Variants in TTN observed in about 807,000 individuals in gnomAD.
TTN encodes connectin.
TTN carries 1,525 observed loss-of-function variants against 3,223.0 expected under a neutral mutation model. That is an observed-to-expected ratio of 0.47 (90% confidence interval 0.45 to 0.49). The LOEUF is 0.49. TTN is among the 20% of genes least tolerant of loss of function. TTN has a pLI of 0.00. For synonymous variants in TTN, 14,094 were observed against 15,161.0 expected (o/e 0.93, Z 5.17); for missense variants, 40,786 against 43,424.0 (o/e 0.94, Z 5.40).
intron 29 of TTN, 74 bp from the exon 30 acceptor site, chr2:178,774,547 T>C: frequency 7.0e-7 from 1 of 1,423,636 alleles, no homozygotes; most frequent in Non-Finnish European, 9.7e-7. Flanking sequence ...AGAGATGATG[T>C]CTTGTATGTC....
Position 178,768,898 on chromosome 2 carries a change from C to T in TTN, c.8938G>A (p.Ala2980Thr), listed in dbSNP as rs72647885. The change falls in exon 38 of 363, where the codon GCT (alanine) becomes ACT (threonine). Residue 2980 changes from alanine (A) to threonine (T), a missense_variant. Transcript: ENST00000589042. ...MITSMLKDIN[A>T]EEKDTITFEV... ...AAAGTAATAGTGTCTTTTTCTTCAG[C>T]GTTGATGTCTTTCAGCATGGAAGTA... 2.8e-4 allele frequency: 449 copies of T among 1,613,792 alleles called. 2 individuals carry two copies. In the African/African-American group the frequency reaches 4.0e-3, roughly 14 times the overall value.
In TTN at chr2:178,577,995, G is replaced by A. The variant is rs2046826146; in HGVS notation, c.68520C>T (p.Asp22840=). 1.2e-6 allele frequency: 2 copies of A among 1,612,490 alleles called. No individual in the cohort carries two copies. The highest frequency in any genetic ancestry group is 4.5e-5 in the East Asian group (2 of 44,686). ...CTTCATATAATGACTTACCAATTGG[G>A]TCCAGTGCCACAACAGGCTCTGATG... ...SLPSEPVVAL[D]PIDPPGKPEV... is the part of the protein sequence containing the mutation. Residue 22840 remains aspartate (D), a synonymous_variant, in exon 322 of 363, where the codon GAC becomes GAT. Coordinates refer to ENST00000589042, the MANE Select transcript of TTN (RefSeq NM_001267550.2).
chr2:178,601,097 G>A lies in TTN; in HGVS notation c.55807C>T (p.Pro18603Ser). The change falls in exon 288 of 363, where the codon CCG becomes TCG. Residue 18603 changes from proline (P) to serine (S), a missense_variant. Coordinates refer to ENST00000589042, the MANE Select transcript of TTN (RefSeq NM_001267550.2). ...KNTVHLSWKP[P>S]KNDGGSPVTH... ...ACAGGGGAGCCCCCATCATTCTTCG[G>A]GGGTTTCCATGACAGATGCACTGTG... 6.2e-7 allele frequency: 1 copy of A among 1,603,026 alleles called. No individual in the cohort carries two copies. Among genetic ancestry groups the A allele is most frequent in the Non-Finnish European group, 8.5e-7 (1 of 1,174,264 alleles).
intron 52 of TTN, 102 bp downstream of exon 52, chr2:178,734,226 T>C (rs2081043496): frequency 1.4e-6 from 2 of 1,379,516 alleles, no homozygotes; most frequent in Admixed American, 2.6e-5. Context: ...AAAACAAATT[T>C]AAAGGATAGG....
In TTN at chr2:178,607,453, T is replaced by C; in HGVS notation, c.53235A>G (p.Thr17745=). 6.2e-7 allele frequency: 1 copy of C among 1,613,220 alleles called. No individual in the cohort carries two copies. The highest frequency in any genetic ancestry group is 8.5e-7 in the Non-Finnish European group (1 of 1,179,400). ...ATTTGGAACCACAGCTATTTGTAGC[T>C]GTAATCACATATCTGCCATGGTCTT... ...LRKDHGRYVI[T]ATNSCGSKFA... The change falls in exon 277 of 363, where the codon ACA becomes ACG. Residue 17745 remains threonine, a synonymous_variant. Transcript: ENST00000589042.
chr2:178,595,649 T>C lies in TTN; in HGVS notation c.57705A>G (p.Thr19235=). Reference sequence around the variant, plus strand: ...TAGCATTTTGTCGGGTAACTGTATATGTCACTGGGGTCCATGCTCTGCGGT... The same window carrying C: ...TAGCATTTTGTCGGGTAACTGTATACGTCACTGGGGTCCATGCTCTGCGGT... ...ESDRRAWTPV[T]YTVTRQNATV... Residue 19235 remains threonine, a synonymous_variant, in exon 295 of 363, where the codon ACA becomes ACG. Transcript: ENST00000589042. 6 of 1,607,680 alleles carry C rather than the reference T, an allele frequency of 3.7e-6. No individual in the cohort carries two copies. Among genetic ancestry groups the C allele is most frequent in the Non-Finnish European group, 5.1e-6 (6 of 1,176,964 alleles).
chr2:178,608,988 C>T (rs893710689), intron 273 of TTN, 80 bp from the exon 274 acceptor site: 4 of 1,507,586 alleles, frequency 2.7e-6, no homozygotes, highest in Non-Finnish European at 3.6e-6. Flanking sequence ...GAGCATGCTC[C>T]TCTGACATGA....
Position 178,546,298 on chromosome 2 carries a change from C to T in TTN, c.95033G>A (p.Cys31678Tyr). ...GKRATAVIKF[C>Y]DRSDSGKYTL... ...GTATTTTCCACTGTCACTTCTGTCACAGAACTTGATCACAGCAGTTGCTCG... is the reference window on the plus strand; with the variant it reads ...GTATTTTCCACTGTCACTTCTGTCATAGAACTTGATCACAGCAGTTGCTCG... Residue 31678 changes from cysteine (C) to tyrosine (Y), a missense_variant, in exon 342 of 363, where the codon TGT becomes TAT. Cys to Tyr is a radical substitution (Grantham distance 194). Coordinates refer to ENST00000589042, the MANE Select transcript of TTN (RefSeq NM_001267550.2). The T allele has an allele frequency of 6.2e-7, 1 of 1,613,860 alleles. No homozygotes were observed. The highest frequency in any genetic ancestry group is 8.5e-7 in the Non-Finnish European group (1 of 1,179,770).
chr2:178,652,882 A>G lies in TTN; in HGVS notation c.38925T>C (p.Ala12975=). 6.2e-7 allele frequency: 1 copy of G among 1,611,486 alleles called. No homozygotes were observed. Among genetic ancestry groups the G allele is most frequent in the Non-Finnish European group, 8.5e-7 (1 of 1,179,086 alleles). ...EVVPEKKMPL[A]PPKKPEVPPV... ...GAGGGACTTCAGGCTTTTTAGGAGGAGCCAAGGGCATTTTCTTTTCAGGAA... is the reference window on the plus strand; with the variant it reads ...GAGGGACTTCAGGCTTTTTAGGAGGGGCCAAGGGCATTTTCTTTTCAGGAA... The change falls in exon 200 of 363, where the codon GCT becomes GCC. Residue 12975 remains alanine (A), a synonymous_variant. Transcript: ENST00000589042.
chr2:178,795,320 A>G, intron 6 of TTN, 68 bp from the exon 7 acceptor site: 1 of 1,495,520 alleles, frequency 6.7e-7, no homozygotes. Context: ...GAATCATGAG[A>G]TGAAAAGCTG....
intron 140 of TTN, 31 bp downstream of exon 140, chr2:178,679,863 T>C: frequency 6.8e-6 from 11 of 1,608,240 alleles, no homozygotes; most frequent in Non-Finnish European, 9.3e-6. Flanking sequence ...AAGATGCTGT[T>C]GCACAGCCCT....
chr2:178,633,687 C>G lies in TTN; in HGVS notation c.42683-11G>C. The G allele has an allele frequency of 6.2e-7, 1 of 1,609,812 alleles. No homozygotes were observed. The highest frequency in any genetic ancestry group is 8.5e-7 in the Non-Finnish European group (1 of 1,178,770). ...AGTAGGGATCGGCCTCTGTAAAAGA[C>G]ATTTAGCATAAAATTAGAAGAATGT... On this transcript the variant is annotated splice_polypyrimidine_tract_variant and intron_variant, in intron 231 of 362. Coordinates refer to ENST00000589042, the MANE Select transcript of TTN (RefSeq NM_001267550.2).
At position 178,645,490 on chromosome 2, in the gene TTN, C is replaced by T. The variant is rs756272426; in HGVS notation, c.40408+430G>A. ...CTTGTAATATATTTAAAAGCACATGCAATTCTTTAAGAACAAAGTTTTGGC... is the reference window on the plus strand; with the variant it reads ...CTTGTAATATATTTAAAAGCACATGTAATTCTTTAAGAACAAAGTTTTGGC... On this transcript the variant is annotated intron_variant, in intron 217 of 362. Coordinates refer to ENST00000589042, the MANE Select transcript of TTN (RefSeq NM_001267550.2). Among the ~76,000 whole-genome samples, 30 of 152,118 alleles carry T rather than the reference C, an allele frequency of 2.0e-4. 1 individual carries two copies. The highest frequency in any genetic ancestry group is 3.4e-3 in the Middle Eastern group (1 of 294).
rs1649011462 is a variant in TTN at position 178,530,546 on chromosome 2, A to G, written c.106069T>C (p.Tyr35357His). 1 of 1,613,874 alleles carries G rather than the reference A, an allele frequency of 6.2e-7. No individual in the cohort carries two copies. The highest frequency in any genetic ancestry group is 1.7e-5 in the Admixed American group (1 of 59,998). The part of the protein sequence containing the change: ...NNLTESDQGE[Y>H]VCEISGEGGT... ...CCTTCACCAGAAATCTCACAAACAT[A>G]TTCTCCTTGATCAGATTCAGTGAGG... The change falls in exon 358 of 363, where the codon TAT (tyrosine) becomes CAT (histidine). Residue 35357 changes from tyrosine (Y) to histidine (H), a missense_variant. Physicochemically the swap from Tyr to His is moderately conservative, Grantham distance 83 (BLOSUM62 2). Coordinates refer to ENST00000589042, the MANE Select transcript of TTN (RefSeq NM_001267550.2).
rs1172842097 is a variant in TTN at position 178,706,919 on chromosome 2, C to T, written c.29077G>A (p.Ala9693Thr). The T allele has an allele frequency of 6.2e-7, 1 of 1,611,894 alleles. No homozygotes were observed. Among genetic ancestry groups the T allele is most frequent in the Non-Finnish European group, 8.5e-7 (1 of 1,178,994 alleles). ...ACAAAAAAGAGTCTTCCATCTACCG[C>T]AGCTTTCTTGGTTGCTGGGGCCACA... ...PAVAPATKKA[A>T]VDGRLFFVSE... The change falls in exon 101 of 363, where the codon GCG (alanine) becomes ACG (threonine). Residue 9693 changes from alanine (A) to threonine (T), a missense_variant. Physicochemically the swap from Ala to Thr is moderately conservative, Grantham distance 58 (BLOSUM62 0). Transcript: ENST00000589042.
intron 100 of TTN, among the ~76,000 whole-genome samples, chr2:178,707,237 T>C (rs777727689): frequency 6.6e-6 from 1 of 152,242 alleles, no homozygotes; most frequent in Non-Finnish European, 1.5e-5. Flanking sequence ...TTCTATCGCA[T>C]TATTATAGCA....
rs1168459332 is a variant in TTN at position 178,533,539 on chromosome 2, C to G, written c.103076G>C (p.Ser34359Thr). Reference protein sequence around the residue: ...TVTLHPPPTDSTLRPMFKRLL... With the variant: ...TVTLHPPPTDTTLRPMFKRLL... ...CCTTTTGAACATGGGTCTTAAGGTA[C>G]TATCTGTTGGAGGTGGGTGTAGGGT... is the stretch of plus-strand genomic sequence containing the variant. Residue 34359 changes from serine to threonine, a missense_variant, in exon 358 of 363, where the codon AGT becomes ACT. Coordinates refer to ENST00000589042, the MANE Select transcript of TTN (RefSeq NM_001267550.2). 1 of 1,613,800 alleles carries G rather than the reference C, an allele frequency of 6.2e-7. No homozygotes were observed.
intron 3 of TTN, 107 bp downstream of exon 3, chr2:178,802,031 T>C: frequency 1.5e-6 from 2 of 1,373,618 alleles, no homozygotes; most frequent in Non-Finnish European, 2.1e-6. Context: ...TTCTGTAGTT[T>C]AAGAGCTGCA....
rs767070682 is a variant in TTN, at chr2:178,735,655, C to G, written c.14791G>C (p.Gly4931Arg). The change falls in exon 50 of 363, where the codon GGG becomes CGG. Residue 4931 changes from glycine (G) to arginine (R), a missense_variant. Gly to Arg is a moderately radical substitution (Grantham distance 125). Coordinates refer to ENST00000589042, the MANE Select transcript of TTN (RefSeq NM_001267550.2). The part of the protein sequence containing the change: ...WSKDGQKLPP[G>R]KDYKICFEDK... Reference sequence around the variant, plus strand: ...TCAAAACAGATCTTATAATCTTTCCCTGGGGGGAGTTTTTGCCCATCTTTG... The same window carrying G: ...TCAAAACAGATCTTATAATCTTTCCGTGGGGGGAGTTTTTGCCCATCTTTG... 1.2e-6 allele frequency: 2 copies of G among 1,613,766 alleles called. No homozygotes were observed.
Sources: gnomAD v4.1 joint callset for allele counts (sites outside exome capture counted in the v4.1 genomes callset) on GRCh38, gnomAD v4.1.1 for gene constraint, MANE v1.5 for transcripts, NCBI Gene and HGNC (gene_info 2026-07-23, HGNC 2026-07-21) for gene names.